Variants in AK5 observed in about 807,000 individuals in gnomAD.
The protein encoded by AK5 is adenylate kinase isoenzyme 5.
A neutral mutation model predicts 69.5 loss-of-function variants in AK5; 27 were observed. The observed-to-expected ratio is 0.39, with a 90% CI of 0.29 to 0.54. AK5 has a LOEUF of 0.54. AK5 is among the 20% of genes least tolerant of loss of function. The pLI is 0.71. For missense variants in AK5, 531 were observed against 700.4 expected, an observed-to-expected ratio of 0.76 and a Z score of 2.73; for synonymous variants, 260 against 244.4, an observed-to-expected ratio of 1.06 and a Z score of -0.60.
At chr1:77,364,111 A>G (rs11162325) in intron 6 of AK5, among the ~76,000 whole-genome samples, 112,663 of 152,086 alleles carry the variant, frequency 0.74, 42,167 homozygotes, top group East Asian at 0.82. Context: ...AGAATTGTCA[A>G]TTATATCATG....
At chr1:77,327,963 AC>A (rs1660891398) in intron 5 of AK5, among the ~76,000 whole-genome samples, 1 of 152,184 alleles carries the variant, frequency 6.6e-6, no homozygotes, top group African/African-American at 2.4e-5. Context: ...TGTATATGAA[AC>A]AAAACCCCAG....
At chr1:77,376,127 A>G (rs566593443) in intron 6 of AK5, among the ~76,000 whole-genome samples, 1 of 152,344 alleles carries the variant, frequency 6.6e-6, no homozygotes, top group Admixed American at 6.5e-5. Flanking sequence ...GCACAGCTTC[A>G]GACTCCTGGC....
At chr1:77,497,418 C>T (rs910910589) in intron 10 of AK5, among the ~76,000 whole-genome samples, 3 of 152,180 alleles carry the variant, frequency 2.0e-5, no homozygotes, top group African/African-American at 4.8e-5. Context: ...GAACAAACTC[C>T]GGACACACCA....
At chr1:77,314,669 T>G (rs1046980486) in intron 5 of AK5, 2 of 152,164 alleles carry the variant, frequency 1.3e-5, no homozygotes, top group Admixed American at 6.5e-5. Flanking sequence ...CATCCTCCTT[T>G]TAGCTATTTG....
At chr1:77,352,225 G>A (rs1458387228) in intron 6 of AK5, among the ~76,000 whole-genome samples, 1 of 152,158 alleles carries the variant, frequency 6.6e-6, no homozygotes, top group African/African-American at 2.4e-5. Flanking sequence ...ACCATGCCCG[G>A]CCCATTTGCA....
At position 77,559,585 on chromosome 1, in the gene AK5, A is replaced by G. The variant is rs1007217532; in HGVS notation, c.*915A>G. On this transcript the variant is annotated 3_prime_UTR_variant, in exon 14 of 14. Transcript: ENST00000354567. The stretch of plus-strand genomic sequence containing the variant: ...CAAGCAAGTAAAAAAATACCCTAAC[A>G]AACCTGATGTGGGTGGGAGGGGCAT... 1 of 152,140 alleles carries G rather than the reference A, an allele frequency of 6.6e-6. No individual in the cohort carries two copies. Among genetic ancestry groups the G allele is most frequent in the Non-Finnish European group, 1.5e-5 (1 of 68,028 alleles). 9.4% of individuals were successfully genotyped at this position (152,140 alleles called of 1,614,324 possible).
In AK5 at chr1:77,318,289, T is replaced by C. The variant is rs940231804; in HGVS notation, c.699+20342T>C. Among the ~76,000 whole-genome samples the C allele has an allele frequency of 2.0e-5, 3 of 152,020 alleles. No homozygotes were observed. The South Asian group carries it at 6.2e-4, about 32-fold the overall frequency. Reference sequence around the variant, plus strand: ...GAGGCGGGGAGATGCTACACACTTGTAAACAACTAGATCTTGTGAGAACTT... The same window carrying C: ...GAGGCGGGGAGATGCTACACACTTGCAAACAACTAGATCTTGTGAGAACTT... On this transcript the variant is annotated intron_variant, in intron 5 of 13. Transcript: ENST00000354567.
At chr1:77,334,050 G>A (rs1661223740) in intron 5 of AK5, among the ~76,000 whole-genome samples, 2 of 151,724 alleles carry the variant, frequency 1.3e-5, no homozygotes, top group South Asian at 4.2e-4. Flanking sequence ...ATTGCCCTTC[G>A]TTCATTCTTC....
chr1:77,406,705 G>GAAAAAAAAAAA (rs891657357), intron 6 of AK5, among the ~76,000 whole-genome samples: 1 of 140,282 alleles, frequency 7.1e-6, no homozygotes, highest in African/African-American at 2.6e-5. Flanking sequence ...TGATGCTGAG[G>GAAAAAAAAAAA]AAAAAAAAAA....
chr1:77,470,850 TATATATATATATATATATA>T (rs1299724796), intron 8 of AK5, among the ~76,000 whole-genome samples: 1,516 of 14,830 alleles, frequency 0.1, 164 homozygotes, highest in Admixed American at 0.14. Flanking sequence ...TATATATATA[TATATATATATATATATATA>T]TATATATTTT....
intron 6 of AK5, among the ~76,000 whole-genome samples, chr1:77,373,426 T>C (rs1647158478): frequency 6.6e-6 from 1 of 152,162 alleles, no homozygotes; most frequent in African/African-American, 2.4e-5. Flanking sequence ...AGTGAATATG[T>C]GAATTAACAT....
At chr1:77,316,212 CT>C (rs1467617302) in intron 5 of AK5, among the ~76,000 whole-genome samples, 19 of 152,208 alleles carry the variant, frequency 1.2e-4, no homozygotes, top group Admixed American at 1.2e-3. Flanking sequence ...AGGAATTGTG[CT>C]TAGGAAGGTT....
At chr1:77,536,666 G>A (rs1168359404) in intron 13 of AK5, among the ~76,000 whole-genome samples, 1 of 152,166 alleles carries the variant, frequency 6.6e-6, no homozygotes, top group Non-Finnish European at 1.5e-5. Context: ...AGGGAGGGAG[G>A]CATAGATGAG....
intron 13 of AK5, among the ~76,000 whole-genome samples, chr1:77,551,959 G>T (rs1348130166): frequency 6.6e-6 from 1 of 152,140 alleles, no homozygotes; most frequent in South Asian, 2.1e-4. Context: ...GTTGACAAAG[G>T]TTCTCTGCTG....
intron 8 of AK5, among the ~76,000 whole-genome samples, chr1:77,419,908 AT>A (rs954031119): frequency 7.9e-5 from 12 of 151,768 alleles, no homozygotes; most frequent in Non-Finnish European, 1.2e-4. Flanking sequence ...CCTGAGCAGG[AT>A]TTTTTTTTAA....
At chr1:77,336,085 C>CTT (rs36053089) in intron 5 of AK5, among the ~76,000 whole-genome samples, 13,512 of 135,014 alleles carry the variant, frequency 0.1, 926 homozygotes, top group Middle Eastern at 0.19. Flanking sequence ...TCTTATAACC[C>CTT]TTTTTTTTTT....
chr1:77,439,785 T>C (rs554021496), intron 8 of AK5, among the ~76,000 whole-genome samples: 15 of 151,360 alleles, frequency 9.9e-5, no homozygotes, highest in Middle Eastern at 3.4e-3. Context: ...TATATGTATG[T>C]ATACATGTAT....
chr1:77,404,812 G>C (rs1251537220), intron 6 of AK5, among the ~76,000 whole-genome samples: 1 of 152,198 alleles, frequency 6.6e-6, no homozygotes, highest in Non-Finnish European at 1.5e-5. Context: ...TAAGTGGTCA[G>C]TTGAAGAATC....
At chr1:77,425,258 C>T (rs1333855395) in intron 8 of AK5, among the ~76,000 whole-genome samples, 1 of 152,032 alleles carries the variant, frequency 6.6e-6, no homozygotes, top group Non-Finnish European at 1.5e-5. Context: ...ACCTGCCTGG[C>T]AAGAAATGTT....
Sources: gnomAD v4.1 joint callset for allele counts (sites outside exome capture counted in the v4.1 genomes callset) on GRCh38, gnomAD v4.1.1 for gene constraint, MANE v1.5 for transcripts, NCBI Gene and HGNC (gene_info 2026-07-23, HGNC 2026-07-21) for gene names.